The following AFF3 variants were observed in gnomAD, a reference collection of about 807,000 sequenced individuals.
AFF3 encodes ALF transcription elongation factor 3.
Under a neutral mutation model 129.7 loss-of-function variants are expected in AFF3, and 32 were observed. The observed-to-expected ratio is 0.25, with a 90% CI of 0.19 to 0.33. AFF3 has a LOEUF of 0.33. AFF3 is among the 10% of genes least tolerant of loss of function. The probability of loss-of-function intolerance (pLI) is 1.00; values close to 1 mark genes in which losing one functional copy is unlikely to be tolerated. For missense variants in AFF3, 1,373 were observed against 1,592.0 expected, an observed-to-expected ratio of 0.86 and a Z score of 2.34; for synonymous variants, 644 against 635.4, an observed-to-expected ratio of 1.01 and a Z score of -0.20.
chr2:99,693,042 C>A (rs569015136), intron 11 of AFF3, among the ~76,000 whole-genome samples: 68 of 152,344 alleles, frequency 4.5e-4, no homozygotes, highest in African/African-American at 1.5e-3. Context: ...CTCCCATATG[C>A]ATTTTGTTAT....
intron 11 of AFF3, among the ~76,000 whole-genome samples, chr2:99,684,998 G>T (rs1674913540): frequency 1.3e-5 from 2 of 151,086 alleles, no homozygotes; most frequent in African/African-American, 4.9e-5. Flanking sequence ...AGGTGCAGTG[G>T]TGCTATCTTG....
intron 11 of AFF3, among the ~76,000 whole-genome samples, chr2:99,673,774 G>A (rs1324521438): frequency 6.6e-6 from 1 of 152,204 alleles, no homozygotes; most frequent in African/African-American, 2.4e-5. Flanking sequence ...AACATTCGTA[G>A]GAGTCATTTC....
intron 13 of AFF3, among the ~76,000 whole-genome samples, chr2:99,615,941 C>A (rs1382436661): frequency 6.6e-6 from 1 of 152,236 alleles, no homozygotes; most frequent in Non-Finnish European, 1.5e-5. Context: ...GGCACCAGGT[C>A]TATGGGGAAA....
At chr2:100,063,222 G>A (rs1171191218) in intron 4 of AFF3, among the ~76,000 whole-genome samples, 1 of 126,150 alleles carries the variant, frequency 7.9e-6, no homozygotes, top group Non-Finnish European at 1.6e-5. Context: ...CTGCATTCCA[G>A]CCTGGGCAAC....
intron 7 of AFF3, among the ~76,000 whole-genome samples, chr2:99,937,665 G>A (rs541240026): frequency 1.2e-3 from 177 of 152,288 alleles, no homozygotes; most frequent in Non-Finnish European, 1.6e-3. Context: ...CCAAAGTGCT[G>A]GGATTACAGG....
At chr2:99,828,293 G>A (rs1379295097) in intron 8 of AFF3, among the ~76,000 whole-genome samples, 1 of 152,174 alleles carries the variant, frequency 6.6e-6, no homozygotes, top group Non-Finnish European at 1.5e-5. Context: ...CTCCAGCGGG[G>A]AATAAGTTAC....
At chr2:99,838,269 G>A (rs935852646) in intron 7 of AFF3, among the ~76,000 whole-genome samples, 1 of 152,122 alleles carries the variant, frequency 6.6e-6, no homozygotes. Flanking sequence ...GGACGCTGGT[G>A]AAAGTGCCTA....
chr2:99,615,271 G>A (rs576710384), intron 13 of AFF3, among the ~76,000 whole-genome samples: 2 of 152,210 alleles, frequency 1.3e-5, no homozygotes, highest in African/African-American at 4.8e-5. Flanking sequence ...GCTGTAAAAG[G>A]CTTCTCTGAA....
chr2:99,858,948 G>T (rs1275327324), intron 7 of AFF3, among the ~76,000 whole-genome samples: 1 of 152,202 alleles, frequency 6.6e-6, no homozygotes, highest in Non-Finnish European at 1.5e-5. Context: ...CAGAATTTTG[G>T]TGTGGTTTGA....
intron 22 of AFF3, among the ~76,000 whole-genome samples, chr2:99,557,522 GC>G: frequency 1.3e-5 from 2 of 152,300 alleles, no homozygotes; most frequent in South Asian, 4.1e-4. Flanking sequence ...GTTTGTTGTA[GC>G]CCCTGGCGGC....
chr2:99,748,953 C>T (rs1161326036), intron 9 of AFF3, among the ~76,000 whole-genome samples: 3 of 152,148 alleles, frequency 2.0e-5, no homozygotes, highest in Non-Finnish European at 4.4e-5. Flanking sequence ...TTAGATTCTA[C>T]ATATAGGTAA....
chr2:99,743,201 T>C (rs1374631507), intron 10 of AFF3, among the ~76,000 whole-genome samples: 1 of 152,248 alleles, frequency 6.6e-6, no homozygotes, highest in Admixed American at 6.5e-5. Flanking sequence ...CGCACCACTG[T>C]GCCATCACCC....
intron 7 of AFF3, among the ~76,000 whole-genome samples, chr2:99,972,670 A>G (rs937428133): frequency 6.6e-6 from 1 of 152,266 alleles, no homozygotes; most frequent in East Asian, 1.9e-4. Context: ...GAAGCAGGCA[A>G]TAAGTCAGCA....
At chr2:100,050,767 T>C (rs1210419946) in intron 4 of AFF3, among the ~76,000 whole-genome samples, 4 of 152,202 alleles carry the variant, frequency 2.6e-5, no homozygotes, top group African/African-American at 9.6e-5. Flanking sequence ...CAGCAGTCCC[T>C]GCTTCACATT....
chr2:100,130,732 T>G (rs1296803974), intron 1 of AFF3, among the ~76,000 whole-genome samples: 1 of 152,138 alleles, frequency 6.6e-6, no homozygotes, highest in Non-Finnish European at 1.5e-5. Flanking sequence ...ATGAGATCAC[T>G]GGGCTGCCAT....
intron 12 of AFF3, among the ~76,000 whole-genome samples, chr2:99,651,609 T>C (rs1165697631): frequency 6.6e-6 from 1 of 152,050 alleles, no homozygotes; most frequent in South Asian, 2.1e-4. Context: ...ACCCAGCTAA[T>C]TTTTGTATTT....
At chr2:99,558,458 T>C (rs770372315) in intron 22 of AFF3, among the ~76,000 whole-genome samples, 4 of 151,864 alleles carry the variant, frequency 2.6e-5, no homozygotes, top group Non-Finnish European at 5.9e-5. Context: ...CCATCTCTAC[T>C]AAAAATACAA....
chr2:99,563,810 C>CAAAAAAAAAAAA (rs34843347), intron 20 of AFF3, among the ~76,000 whole-genome samples: 1 of 76,074 alleles, frequency 1.3e-5, no homozygotes, highest in African/African-American at 5.3e-5. Flanking sequence ...AATTTAGTCT[C>CAAAAAAAAAAAA]AAAAAAAAAA....
intron 7 of AFF3, among the ~76,000 whole-genome samples, chr2:99,910,289 G>C (rs1695022539): frequency 6.6e-6 from 1 of 152,036 alleles, no homozygotes; most frequent in South Asian, 2.1e-4. Flanking sequence ...ACTAAGCATT[G>C]GTAGTTAGCA....
Sources: gnomAD v4.1 joint callset for allele counts (sites outside exome capture counted in the v4.1 genomes callset) on GRCh38, gnomAD v4.1.1 for gene constraint, MANE v1.5 for transcripts, NCBI Gene and HGNC (gene_info 2026-07-23, HGNC 2026-07-21) for gene names.